Variants in DGKH observed in about 807,000 individuals in gnomAD.
The protein encoded by DGKH is diacylglycerol kinase eta.
Under a neutral mutation model 159.3 loss-of-function variants are expected in DGKH, and 90 were observed. The ratio of observed to expected loss-of-function variants is 0.57; its 90% confidence interval spans 0.48 to 0.67. The LOEUF (loss-of-function observed/expected upper bound fraction) is 0.67, where lower values mean the gene tolerates loss of function less well. Ranked by LOEUF, DGKH falls within the 30% of genes least tolerant of loss-of-function variation. The pLI is 0.00. For synonymous variants in DGKH, 536 were observed against 553.8 expected (o/e 0.97, Z 0.45); for missense variants, 1,181 against 1,506.1 (o/e 0.78, Z 3.57).
chr13:42,072,885 T>C (rs1456260869), intron 1 of DGKH, among the ~76,000 whole-genome samples: 1 of 152,140 alleles, frequency 6.6e-6, no homozygotes, highest in East Asian at 1.9e-4. Flanking sequence ...CAACTTCCTT[T>C]CCTTCTTAAC....
intron 29 of DGKH, among the ~76,000 whole-genome samples, chr13:42,250,260 C>A (rs1046111005): frequency 2.0e-5 from 3 of 150,816 alleles, no homozygotes; most frequent in South Asian, 2.1e-4. Context: ...TGAGCCCCCA[C>A]GACCGGCCAC....
intron 3 of DGKH, among the ~76,000 whole-genome samples, chr13:42,141,272 T>C (rs1370391582): frequency 6.6e-6 from 1 of 151,938 alleles, no homozygotes; most frequent in Non-Finnish European, 1.5e-5. Flanking sequence ...ATGGTGTATA[T>C]GTGCCACATT....
intron 1 of DGKH, among the ~76,000 whole-genome samples, chr13:42,086,816 A>C (rs1323764005): frequency 9.9e-5 from 15 of 152,154 alleles, no homozygotes; most frequent in Non-Finnish European, 1.9e-4. Flanking sequence ...TTTTCAGACC[A>C]CAGTGCTGGA....
Position 42,230,608 on chromosome 13 carries a change from G to C in DGKH, c.*1420G>C, listed in dbSNP as rs185279720. 1.3e-5 allele frequency: 2 copies of C among 152,008 alleles called. No individual in the cohort carries two copies. The highest frequency in any genetic ancestry group is 3.9e-4 in the East Asian group (2 of 5,186). The allele number at this position is 152,008 out of a possible 1,614,324, so 9.4% of individuals were successfully genotyped here. A position where few individuals can be genotyped will look rare whatever the true frequency, so the allele number is the denominator to read the frequency against. The stretch of plus-strand genomic sequence containing the variant: ...ATAAACAGGGTACTGACTCAGTGGT[G>C]ACAATTTTTATGAAGTAGCCTGCTA... On this transcript the variant is annotated 3_prime_UTR_variant, in exon 30 of 30. Transcript: ENST00000337343.
chr13:42,117,201 A>G (rs1954983015), intron 1 of DGKH, among the ~76,000 whole-genome samples: 1 of 152,260 alleles, frequency 6.6e-6, no homozygotes, highest in African/African-American at 2.4e-5. Flanking sequence ...AACTCTGATT[A>G]TAACTATTTC....
chr13:42,139,385 T>A (rs1955481517), intron 3 of DGKH, among the ~76,000 whole-genome samples: 1 of 152,164 alleles, frequency 6.6e-6, no homozygotes, highest in African/African-American at 2.4e-5. Context: ...AGGACATAGA[T>A]CAGTTTCATC....
chr13:42,175,522 AT>A lies in DGKH; in HGVS notation c.1452+1385del, dbSNP rs978953819. ...CTTTCCAAAAAAGACAAAAAGGAGA[AT>A]TTTTTTCTTCCATTTACTTCAGAAA... is the stretch of plus-strand genomic sequence containing the variant. On this transcript the variant is annotated intron_variant, in intron 12 of 29. Transcript: ENST00000337343. Among the ~76,000 whole-genome samples, 101 of 152,274 alleles carry A rather than the reference AT, an allele frequency of 6.6e-4. 1 individual carries two copies. Among genetic ancestry groups the A allele is most frequent in the African/African-American group, 2.4e-3 (100 of 41,560 alleles).
chr13:42,065,210 C>T (rs1384624384), intron 1 of DGKH, among the ~76,000 whole-genome samples: 2 of 152,180 alleles, frequency 1.3e-5, no homozygotes, highest in Non-Finnish European at 1.5e-5. Context: ...CATGTTCTGC[C>T]TTGGACAAGC....
intron 17 of DGKH, among the ~76,000 whole-genome samples, chr13:42,198,093 C>T (rs1957247571): frequency 1.3e-5 from 2 of 152,262 alleles, no homozygotes; most frequent in South Asian, 4.1e-4. Flanking sequence ...GAACTGATAA[C>T]TCCATGACAT....
At chr13:42,214,048 A>G (rs536215230) in intron 24 of DGKH, among the ~76,000 whole-genome samples, 9 of 152,314 alleles carry the variant, frequency 5.9e-5, no homozygotes, top group African/African-American at 1.4e-4. Context: ...AGCTACATTT[A>G]AAGGCTGTGA....
At chr13:42,168,848 T>C in intron 11 of DGKH, 30 bp downstream of exon 11, 1 of 1,595,622 alleles carries the variant, frequency 6.3e-7, no homozygotes, top group Non-Finnish European at 8.5e-7. Context: ...TACAACTAGA[T>C]GGAAAATGGC....
At chr13:42,186,628 T>C (rs982718863) in intron 13 of DGKH, among the ~76,000 whole-genome samples, 2 of 152,224 alleles carry the variant, frequency 1.3e-5, no homozygotes, top group African/African-American at 4.8e-5. Context: ...ACAATCAAAA[T>C]ATCCATATGA....
intron 1 of DGKH, among the ~76,000 whole-genome samples, chr13:42,104,275 C>T (rs1267292981): frequency 6.6e-6 from 1 of 152,198 alleles, no homozygotes; most frequent in Non-Finnish European, 1.5e-5. Context: ...CCATTTCTCC[C>T]CCCCAGGGAA....
intron 3 of DGKH, among the ~76,000 whole-genome samples, chr13:42,141,585 C>T (rs989766805): frequency 3.3e-5 from 5 of 152,284 alleles, no homozygotes; most frequent in Admixed American, 1.3e-4. Context: ...TTTTAATGAT[C>T]TCCATTCTAA....
intron 5 of DGKH, 97 bp downstream of exon 5, chr13:42,155,896 A>T: frequency 1.4e-6 from 2 of 1,401,586 alleles, no homozygotes; most frequent in East Asian, 2.3e-5. Flanking sequence ...AGCTCTCCAC[A>T]CATAGGACTA....
At chr13:42,168,972 G>C (rs1956375866) in intron 11 of DGKH, among the ~76,000 whole-genome samples, 154 bp downstream of exon 11, 1 of 152,140 alleles carries the variant, frequency 6.6e-6, no homozygotes, top group Non-Finnish European at 1.5e-5. Flanking sequence ...GTTAATCCCT[G>C]AGATGGAGAA....
At chr13:42,088,010 A>G (rs1187012225) in intron 1 of DGKH, among the ~76,000 whole-genome samples, 1 of 152,188 alleles carries the variant, frequency 6.6e-6, no homozygotes, top group Non-Finnish European at 1.5e-5. Context: ...AGAAAATCCT[A>G]AAAGCAGCCA....
chr13:42,048,868 CG>C lies in DGKH; in HGVS notation c.99del (p.Pro34ArgfsTer18). On this transcript the variant is annotated frameshift_variant, in exon 1 of 30. Transcript: ENST00000337343. LOFTEE classifies it high-confidence loss of function. This position sits in a 1 kb window ranked among gnomAD's most constrained non-coding sequence, Gnocchi z 6.7. ...GAAVTSAAAS[A>X]GPGEDSSDSE... ...GCGGTCACCTCCGCCGCTGCCTCGG[CG>C]GGGCCGGGAGAGGATTCGTCTGACA... 1 of 1,370,880 alleles carries C rather than the reference CG, an allele frequency of 7.3e-7. No individual in the cohort carries two copies. Among genetic ancestry groups the C allele is most frequent in the Non-Finnish European group, 9.5e-7 (1 of 1,057,180 alleles). The allele number at this position is 1,370,880 out of a possible 1,614,324, so 84.9% of individuals were successfully genotyped here.
intron 20 of DGKH, among the ~76,000 whole-genome samples, chr13:42,204,688 G>A (rs1351554998): frequency 6.6e-6 from 1 of 152,162 alleles, no homozygotes; most frequent in Non-Finnish European, 1.5e-5. Context: ...GTCCCTTACG[G>A]GTTGGTCTTG....
Sources: gnomAD v4.1 joint callset for allele counts (sites outside exome capture counted in the v4.1 genomes callset) on GRCh38, gnomAD v4.1.1 for gene constraint, Gnocchi (gnomAD v3.1) non-coding constraint, MANE v1.5 for transcripts, NCBI Gene and HGNC (gene_info 2026-07-23, HGNC 2026-07-21) for gene names.